NAV3: variants seen among roughly 807,000 people sequenced by gnomAD.
NAV3 encodes the protein pore membrane and/or filament interacting like protein 1.
Under a neutral mutation model 244.7 loss-of-function variants are expected in NAV3, and 87 were observed. The observed-to-expected ratio is 0.36, with a 90% CI of 0.30 to 0.42. The LOEUF is 0.42. Among genes scored for constraint, NAV3 ranks in the 20% least tolerant of loss-of-function variants. NAV3 has a pLI of 1.00. For synonymous variants in NAV3, 1,126 were observed against 1,042.2 expected (o/e 1.08, Z -1.55); for missense variants, 2,663 against 2,893.3 (o/e 0.92, Z 1.83).
chr12:77,851,208 A>G (rs1565856167), intron 1 of NAV3, among the ~76,000 whole-genome samples: 1 of 152,030 alleles, frequency 6.6e-6, no homozygotes, highest in East Asian at 1.9e-4. Flanking sequence ...TTTTTTATGT[A>G]ACTGTTAATC....
intron 2 of NAV3, among the ~76,000 whole-genome samples, chr12:77,755,334 C>T (rs1869079439): frequency 6.6e-6 from 1 of 152,056 alleles, no homozygotes; most frequent in Non-Finnish European, 1.5e-5. Flanking sequence ...TTAATAGAGG[C>T]CACATATATT....
intron 20 of NAV3, chr12:78,144,997 A>C (rs1414717579): frequency 1.7e-5 from 4 of 238,326 alleles, no homozygotes; most frequent in Admixed American, 5.7e-5. Flanking sequence ...AGTACTAGGG[A>C]AAACTAATAG....
chr12:77,737,974 T>A (rs1363707432), intron 2 of NAV3, among the ~76,000 whole-genome samples: 1 of 152,130 alleles, frequency 6.6e-6, no homozygotes, highest in African/African-American at 2.4e-5. Flanking sequence ...TCTCTTTTCC[T>A]CCCTTGACAT....
intron 5 of NAV3, among the ~76,000 whole-genome samples, chr12:77,973,481 G>A (rs1018126112): frequency 2.6e-5 from 4 of 152,030 alleles, no homozygotes; most frequent in East Asian, 1.9e-4. Context: ...AAAGATGAAC[G>A]TGCTCCTACA....
At chr12:77,990,230 T>C (rs562779533) in intron 5 of NAV3, among the ~76,000 whole-genome samples, 2 of 152,270 alleles carry the variant, frequency 1.3e-5, no homozygotes, top group Admixed American at 6.5e-5. Context: ...AGTCTCAAAT[T>C]CACCTCCCCA....
intron 8 of NAV3, among the ~76,000 whole-genome samples, chr12:78,018,343 A>G (rs1226166018): frequency 6.6e-6 from 1 of 152,180 alleles, no homozygotes; most frequent in East Asian, 1.9e-4. Flanking sequence ...GAACTTAACC[A>G]ATGGAATTAA....
Position 77,966,229 on chromosome 12 carries a change from A to G in NAV3, c.415A>G (p.Ile139Val). 2 of 1,613,530 alleles carry G rather than the reference A, an allele frequency of 1.2e-6. No individual in the cohort carries two copies. Among genetic ancestry groups the G allele is most frequent in the Non-Finnish European group, 8.5e-7 (1 of 1,179,706 alleles). Residue 139 changes from isoleucine (I) to valine (V), a missense_variant and splice_region_variant, in exon 4 of 40, where the codon ATT (isoleucine) becomes GTT (valine). Transcript: ENST00000397909. ...TTTTTCACTGCTTTTCATGTTGCAG[A>G]TTGAAAATGTTGATGTCTGCCTTAG... is the stretch of plus-strand genomic sequence containing the variant. ...NGCPRSQSQM[I>V]ENVDVCLSFL...
At chr12:77,922,546 A>G (rs1442124203) in intron 1 of NAV3, among the ~76,000 whole-genome samples, 1 of 152,104 alleles carries the variant, frequency 6.6e-6, no homozygotes, top group Non-Finnish European at 1.5e-5. Flanking sequence ...CTGGACCTGA[A>G]CAGGCCACTC....
intron 15 of NAV3, among the ~76,000 whole-genome samples, chr12:78,121,318 G>T (rs1196339323): frequency 3.3e-5 from 5 of 152,220 alleles, no homozygotes; most frequent in East Asian, 1.9e-4. Context: ...TATTTGAATA[G>T]CACTGGCAAC....
At chr12:78,013,989 C>T (rs980723849) in intron 8 of NAV3, among the ~76,000 whole-genome samples, 1 of 151,862 alleles carries the variant, frequency 6.6e-6, no homozygotes, top group African/African-American at 2.4e-5. Context: ...ACCTTACATC[C>T]TTCAGACTTT....
At chr12:77,853,784 G>C (rs1195969234) in intron 1 of NAV3, among the ~76,000 whole-genome samples, 1 of 152,160 alleles carries the variant, frequency 6.6e-6, no homozygotes, top group Non-Finnish European at 1.5e-5. Flanking sequence ...AAAATCAGGA[G>C]TTAATATTTC....
At chr12:78,030,280 A>G (rs1045772756) in intron 9 of NAV3, among the ~76,000 whole-genome samples, 1 of 152,162 alleles carries the variant, frequency 6.6e-6, no homozygotes, top group African/African-American at 2.4e-5. Flanking sequence ...TCTCTTTCTC[A>G]GAATCTCCAT....
chr12:77,964,317 G>C (rs1321686870), intron 3 of NAV3, among the ~76,000 whole-genome samples: 1 of 151,998 alleles, frequency 6.6e-6, no homozygotes, highest in African/African-American at 2.4e-5. Context: ...TTAACATTTT[G>C]TAGCAAATCA....
chr12:77,658,923 T>A (rs1873277000), intron 2 of NAV3, among the ~76,000 whole-genome samples: 1 of 152,246 alleles, frequency 6.6e-6, no homozygotes, highest in Admixed American at 6.5e-5. Flanking sequence ...AAGCTGAAAC[T>A]GGATCTGTTC....
rs574728580 is a variant in NAV3, at chr12:77,728,535, C to A, written c.72+156269C>A. Among the ~76,000 whole-genome samples the A allele has an allele frequency of 5.3e-5, 8 of 151,778 alleles. No individual in the cohort carries two copies. In the South Asian group the frequency reaches 1.5e-3, roughly 28 times the overall value. The stretch of plus-strand genomic sequence containing the variant: ...TCATTTTCTACACTGAGGAAATGGA[C>A]AAAATGATATAAAACACATCAATAG... On this transcript the variant is annotated intron_variant, in intron 2 of 8. Transcript: ENST00000550042.
At chr12:78,144,407 A>T (rs1565716864) in intron 20 of NAV3, among the ~76,000 whole-genome samples, 1 of 152,156 alleles carries the variant, frequency 6.6e-6, no homozygotes, top group Non-Finnish European at 1.5e-5. Context: ...AAAAAATGGC[A>T]AATAATCCAG....
chr12:77,837,465 T>G (rs1225503846), intron 1 of NAV3, among the ~76,000 whole-genome samples: 1 of 152,066 alleles, frequency 6.6e-6, no homozygotes, highest in Non-Finnish European at 1.5e-5. Context: ...GGCCAAACAC[T>G]TCATAGAGTA....
intron 2 of NAV3, among the ~76,000 whole-genome samples, chr12:77,693,919 A>G (rs1352432778): frequency 6.6e-6 from 1 of 152,068 alleles, no homozygotes; most frequent in Non-Finnish European, 1.5e-5. Context: ...CCCAACTGAC[A>G]CAATGATCTG....
In NAV3 at chr12:78,212,927, C is replaced by T. The variant is rs1960993562; in HGVS notation, c.*2410C>T. The T allele has an allele frequency of 6.6e-6, 1 of 152,502 alleles. No individual in the cohort carries two copies. The highest frequency in any genetic ancestry group is 1.5e-5 in the Non-Finnish European group (1 of 68,012). The allele number at this position is 152,502 out of a possible 1,614,324, so 9.4% of individuals were successfully genotyped here. A position where few individuals can be genotyped will look rare whatever the true frequency, so the allele number is the denominator to read the frequency against. The stretch of plus-strand genomic sequence containing the variant: ...ATTGTTCCTCTAGCTTGTAAACCAG[C>T]TTGCATATATTTTTTTGCAAATGTG... On this transcript the variant is annotated 3_prime_UTR_variant, in exon 40 of 40. Transcript: ENST00000397909.
Sources: gnomAD v4.1 joint callset for allele counts (sites outside exome capture counted in the v4.1 genomes callset) on GRCh38, gnomAD v4.1.1 for gene constraint, MANE v1.5 for transcripts, NCBI Gene and HGNC (gene_info 2026-07-23, HGNC 2026-07-21) for gene names.